NRXN3: variants seen among roughly 807,000 people sequenced by gnomAD.
NRXN3 encodes neurexin 3, also known as neurexin III.
Under a neutral mutation model 137.6 loss-of-function variants are expected in NRXN3, and 32 were observed. That is an observed-to-expected ratio of 0.23 (90% CI 0.18 to 0.31). NRXN3 has a LOEUF of 0.31. Ranked by LOEUF, NRXN3 falls within the 10% of genes least tolerant of loss-of-function variation. The pLI is 1.00. For missense variants in NRXN3, 1,574 were observed against 2,062.5 expected, an observed-to-expected ratio of 0.76 and a Z score of 4.59; for synonymous variants, 798 against 784.5, an observed-to-expected ratio of 1.02 and a Z score of -0.29.
Position 79,268,608 on chromosome 14 carries a change from G to A in NRXN3, c.3263-198613G>A, listed in dbSNP as rs139048314. Among the ~76,000 whole-genome samples, 132 of 152,272 alleles carry A rather than the reference G, an allele frequency of 8.7e-4. 1 individual carries two copies. The highest frequency in any genetic ancestry group is 3.1e-3 in the African/African-American group (127 of 41,538). On this transcript the variant is annotated intron_variant, in intron 15 of 20. Transcript: ENST00000335750. ...GGCAAAGAGAAAGCAGAAAGAAAAC[G>A]TCAGCCTCTTAAGGTATGACTTAGA...
At chr14:79,734,474 T>C (rs2098935079) in intron 19 of NRXN3, among the ~76,000 whole-genome samples, 1 of 152,210 alleles carries the variant, frequency 6.6e-6, no homozygotes, top group Non-Finnish European at 1.5e-5. Flanking sequence ...ATATTCAAGA[T>C]TTGGGACTTT....
At chr14:79,180,194 T>C (rs1425393963) in intron 15 of NRXN3, among the ~76,000 whole-genome samples, 7 of 152,212 alleles carry the variant, frequency 4.6e-5, no homozygotes, top group Admixed American at 1.3e-4. Context: ...GCTCACACAC[T>C]GACAATTACA....
chr14:79,691,954 C>G (rs2098718377), intron 17 of NRXN3, among the ~76,000 whole-genome samples: 1 of 151,976 alleles, frequency 6.6e-6, no homozygotes, highest in Non-Finnish European at 1.5e-5. Flanking sequence ...CCATTCCATG[C>G]CACTTTTCCA....
rs576302060 is a variant in NRXN3 at position 78,715,716 on chromosome 14, C to A, written c.2044+577C>A. On this transcript the variant is annotated intron_variant, in intron 8 of 20. Transcript: ENST00000335750. The stretch of plus-strand genomic sequence containing the variant: ...GGCCCTCATGCAGTGATGGGAATTT[C>A]ATCATGGTAGTCAATATCTTTGAAA... 2.2e-3 allele frequency among the ~76,000 whole-genome samples: 334 copies of A among 152,232 alleles called. 2 individuals carry two copies. Among genetic ancestry groups the A allele is most frequent in the Non-Finnish European group, 3.6e-3 (244 of 68,008 alleles).
At chr14:79,016,232 A>G (rs963276242) in intron 15 of NRXN3, among the ~76,000 whole-genome samples, 5 of 144,962 alleles carry the variant, frequency 3.4e-5, no homozygotes, top group Non-Finnish European at 6.2e-5. Context: ...TTCACTTTTT[A>G]TTGTACACCT....
At chr14:78,789,802 T>C (rs1299565360) in intron 8 of NRXN3, among the ~76,000 whole-genome samples, 1 of 152,164 alleles carries the variant, frequency 6.6e-6, no homozygotes, top group Non-Finnish European at 1.5e-5. Context: ...TTTACTCTTA[T>C]ATTCTTGAAA....
chr14:79,546,031 C>G (rs1275858989), intron 16 of NRXN3, among the ~76,000 whole-genome samples: 3 of 152,118 alleles, frequency 2.0e-5, no homozygotes, highest in Admixed American at 1.3e-4. Context: ...GGGAGCTTCT[C>G]TGCACAAGCT....
At chr14:78,662,083 C>T (rs2097846573) in intron 6 of NRXN3, among the ~76,000 whole-genome samples, 1 of 150,064 alleles carries the variant, frequency 6.7e-6, no homozygotes, top group South Asian at 2.1e-4. Context: ...ACCATGTTGG[C>T]CAGGCTCATC....
intron 15 of NRXN3, among the ~76,000 whole-genome samples, chr14:79,379,020 G>A (rs2094389556): frequency 6.6e-6 from 1 of 152,128 alleles, no homozygotes; most frequent in Non-Finnish European, 1.5e-5. Context: ...TCAGGTCACT[G>A]TGGACGATAG....
chr14:78,210,550 A>G (rs1012286630), intron 1 of NRXN3, among the ~76,000 whole-genome samples: 7 of 151,952 alleles, frequency 4.6e-5, no homozygotes, highest in Non-Finnish European at 5.9e-5. Context: ...AAGTACCTCA[A>G]TTTTCTAAGT....
At chr14:79,402,884 A>G (rs1366277999) in intron 15 of NRXN3, among the ~76,000 whole-genome samples, 1 of 152,198 alleles carries the variant, frequency 6.6e-6, no homozygotes, top group Non-Finnish European at 1.5e-5. Flanking sequence ...TACAAAAGAC[A>G]AACAATTATT....
At chr14:78,647,599 C>A (rs2097699908) in intron 5 of NRXN3, among the ~76,000 whole-genome samples, 1 of 152,246 alleles carries the variant, frequency 6.6e-6, no homozygotes, top group East Asian at 1.9e-4. Flanking sequence ...GATACAGAGG[C>A]CCTACAGTAT....
chr14:78,291,475 C>T (rs1450410779), intron 3 of NRXN3, among the ~76,000 whole-genome samples: 2 of 152,182 alleles, frequency 1.3e-5, no homozygotes, highest in African/African-American at 2.4e-5. Flanking sequence ...GAAATTCTTC[C>T]TTTCCCAGGT....
chr14:79,680,475 G>A (rs565766942), intron 17 of NRXN3, among the ~76,000 whole-genome samples: 2 of 152,158 alleles, frequency 1.3e-5, no homozygotes, highest in South Asian at 4.2e-4. Flanking sequence ...GTGTGTGTGT[G>A]TCTAGTTTTG....
chr14:79,340,814 T>C lies in NRXN3; in HGVS notation c.3263-126407T>C, dbSNP rs2153362459. Among the ~76,000 whole-genome samples the C allele has an allele frequency of 2.0e-5, 3 of 152,288 alleles. 1 individual carries two copies. In the South Asian group the frequency reaches 6.2e-4, roughly 32 times the overall value. On this transcript the variant is annotated intron_variant, in intron 15 of 20. Coordinates refer to ENST00000335750, the MANE Select transcript of NRXN3 (RefSeq NM_001330195.2). Reference sequence around the variant, plus strand: ...CAGCCCTTAGTGATAATTTTTCCTTTTCTGTAGCCAGAGAGGATTCTAGTA... The same window carrying C: ...CAGCCCTTAGTGATAATTTTTCCTTCTCTGTAGCCAGAGAGGATTCTAGTA...
intron 4 of NRXN3, among the ~76,000 whole-genome samples, chr14:78,426,874 G>C (rs186552684): frequency 4.1e-4 from 63 of 152,266 alleles, no homozygotes; most frequent in African/African-American, 1.4e-3. Flanking sequence ...CATGGGAACT[G>C]AGCCTAGAGG....
chr14:79,220,474 A>C (rs12586344), intron 15 of NRXN3, among the ~76,000 whole-genome samples: 143,912 of 152,176 alleles, frequency 0.95, 68,410 homozygotes, highest in East Asian at 1. Context: ...CACCCAAAGT[A>C]CATAGTTTAC....
intron 4 of NRXN3, among the ~76,000 whole-genome samples, chr14:78,602,269 T>C (rs1261610691): frequency 9.4e-6 from 1 of 106,456 alleles, no homozygotes; most frequent in Non-Finnish European, 1.9e-5. Flanking sequence ...ACATTAGCCT[T>C]TTTTTTTTTT....
intron 1 of NRXN3, among the ~76,000 whole-genome samples, chr14:78,204,603 T>A (rs1202833224): frequency 6.6e-6 from 1 of 152,194 alleles, no homozygotes; most frequent in Admixed American, 6.5e-5. Flanking sequence ...CTTAATGGTG[T>A]AGGGAAAAAT....
Sources: gnomAD v4.1 joint callset for allele counts (sites outside exome capture counted in the v4.1 genomes callset) on GRCh38, gnomAD v4.1.1 for gene constraint, MANE v1.5 for transcripts, NCBI Gene and HGNC (gene_info 2026-07-23, HGNC 2026-07-21) for gene names.